The following UNC13C variants were observed in gnomAD, a reference collection of about 807,000 sequenced individuals.
UNC13C encodes the protein unc-13 homolog C.
A neutral mutation model predicts 245.4 loss-of-function variants in UNC13C; 174 were observed. The ratio of observed to expected loss-of-function variants is 0.71; its 90% confidence interval spans 0.63 to 0.80. The LOEUF is 0.80. UNC13C is among the 30% of genes least tolerant of loss of function. The pLI, the probability that UNC13C is intolerant of heterozygous loss-of-function variation, is 0.00. For missense variants in UNC13C, 2,829 were observed against 2,602.9 expected (o/e 1.09, Z -1.89); for synonymous variants, 992 against 895.1 (o/e 1.11, Z -1.93).
intron 4 of UNC13C, among the ~76,000 whole-genome samples, chr15:54,181,710 C>T (rs752816295): frequency 1.3e-4 from 19 of 151,814 alleles, no homozygotes; most frequent in Non-Finnish European, 2.5e-4. Flanking sequence ...GTTTGTTTCA[C>T]CTATAATTTC....
intron 10 of UNC13C, among the ~76,000 whole-genome samples, chr15:54,270,622 C>T (rs2036662035): frequency 6.6e-6 from 1 of 151,954 alleles, no homozygotes; most frequent in Admixed American, 6.5e-5. Context: ...AAAGTTCCAA[C>T]TTGAATAGTG....
chr15:53,934,613 G>T, the UNC13C span, among the ~76,000 whole-genome samples: 1 of 152,132 alleles, frequency 6.6e-6, no homozygotes, highest in Non-Finnish European at 1.5e-5. Context: ...TCAAATAGTC[G>T]TAGAAGGTAT....
At chr15:54,247,482 C>G (rs1373138744) in intron 7 of UNC13C, among the ~76,000 whole-genome samples, 1 of 152,104 alleles carries the variant, frequency 6.6e-6, no homozygotes, top group African/African-American at 2.4e-5. Flanking sequence ...AAACTATCAA[C>G]TCAACATATA....
intron 7 of UNC13C, among the ~76,000 whole-genome samples, chr15:54,249,270 T>G (rs970441049): frequency 6.6e-6 from 1 of 152,042 alleles, no homozygotes; most frequent in African/African-American, 2.4e-5. Context: ...ATACTAATAC[T>G]AAGTGCTTAT....
At chr15:54,153,106 G>T (rs192771854) in intron 4 of UNC13C, among the ~76,000 whole-genome samples, 24 of 152,188 alleles carry the variant, frequency 1.6e-4, no homozygotes, top group African/African-American at 4.8e-4. Context: ...CAACAAGTTT[G>T]CTTAATCCAT....
intron 4 of UNC13C, among the ~76,000 whole-genome samples, chr15:54,172,642 CTTAA>C (rs2033442623): frequency 7.1e-6 from 1 of 141,332 alleles, no homozygotes; most frequent in Non-Finnish European, 1.5e-5. Context: ...TTATATGATG[CTTAA>C]TTTATGATGA....
At chr15:53,857,331 TAG>T in the UNC13C span, among the ~76,000 whole-genome samples, 1 of 152,132 alleles carries the variant, frequency 6.6e-6, no homozygotes, top group Admixed American at 6.6e-5. Flanking sequence ...TAGAGTTTGT[TAG>T]ACACCAAAAT....
intron 20 of UNC13C, among the ~76,000 whole-genome samples, chr15:54,496,242 T>C (rs910582009): frequency 2.0e-5 from 3 of 152,084 alleles, no homozygotes; most frequent in African/African-American, 7.2e-5. Flanking sequence ...ATTATAGTCT[T>C]TATGTTAAAT....
chr15:54,422,328 C>T (rs1307311948), intron 19 of UNC13C, among the ~76,000 whole-genome samples: 1 of 152,012 alleles, frequency 6.6e-6, no homozygotes, highest in Non-Finnish European at 1.5e-5. Context: ...CCTATCATAG[C>T]CCTCTAAGTA....
chr15:54,389,732 C>CT (rs913599439), intron 17 of UNC13C, among the ~76,000 whole-genome samples: 208 of 145,192 alleles, frequency 1.4e-3, no homozygotes, highest in South Asian at 3.7e-3. Context: ...TTGCATTTTT[C>CT]TTTTTTTTTT....
chr15:54,027,381 G>A (rs530336785), intron 2 of UNC13C, among the ~76,000 whole-genome samples: 12 of 152,078 alleles, frequency 7.9e-5, no homozygotes, highest in African/African-American at 2.4e-4. Flanking sequence ...CTTTTGTTTT[G>A]TTTTTGAGAC....
chr15:54,167,927 A>G (rs537287526), intron 4 of UNC13C, among the ~76,000 whole-genome samples: 1 of 152,316 alleles, frequency 6.6e-6, no homozygotes, highest in South Asian at 2.1e-4. Context: ...AGGAGACACT[A>G]CTATGCACCT....
intron 4 of UNC13C, among the ~76,000 whole-genome samples, chr15:54,181,215 T>C (rs970955595): frequency 9.2e-5 from 14 of 152,056 alleles, no homozygotes; most frequent in African/African-American, 3.1e-4. Context: ...TTCTTCTGCA[T>C]ATGGCTACCT....
At chr15:54,463,548 G>T (rs758676437) in intron 19 of UNC13C, among the ~76,000 whole-genome samples, 1 of 151,636 alleles carries the variant, frequency 6.6e-6, no homozygotes, top group Non-Finnish European at 1.5e-5. Flanking sequence ...CAGACGCGCC[G>T]CCTTAAGAGC....
At chr15:54,001,334 C>A (rs143254739) in intron 1 of UNC13C, among the ~76,000 whole-genome samples, 2 of 152,098 alleles carry the variant, frequency 1.3e-5, no homozygotes, top group East Asian at 1.9e-4. Flanking sequence ...ATCAAATGAG[C>A]CTGTGACACA....
chr15:54,241,639 C>A (rs553397836), intron 7 of UNC13C, among the ~76,000 whole-genome samples: 1 of 152,200 alleles, frequency 6.6e-6, no homozygotes. Context: ...ATAATAGTTA[C>A]CTCACAGTTT....
chr15:53,862,124 G>A, the UNC13C span, among the ~76,000 whole-genome samples: 4 of 152,060 alleles, frequency 2.6e-5, no homozygotes, highest in Admixed American at 1.3e-4. Flanking sequence ...CAGCATGATC[G>A]AATTCTGGAA....
chr15:53,861,851 T>C, the UNC13C span, among the ~76,000 whole-genome samples: 1 of 152,100 alleles, frequency 6.6e-6, no homozygotes, highest in African/African-American at 2.4e-5. Flanking sequence ...TTGTCTCTTG[T>C]TTTGTATTAG....
At chr15:54,101,405 C>G (rs1217265873) in intron 2 of UNC13C, among the ~76,000 whole-genome samples, 1 of 152,086 alleles carries the variant, frequency 6.6e-6, no homozygotes, top group African/African-American at 2.4e-5. Flanking sequence ...AGTTCCTATT[C>G]CTTTCTCCAT....
Sources: gnomAD v4.1 joint callset for allele counts (sites outside exome capture counted in the v4.1 genomes callset) on GRCh38, gnomAD v4.1.1 for gene constraint, MANE v1.5 for transcripts, NCBI Gene and HGNC (gene_info 2026-07-23, HGNC 2026-07-21) for gene names.